KCNN3: variants seen among roughly 807,000 people sequenced by gnomAD.
KCNN3 encodes small conductance calcium-activated potassium channel protein 3.
A neutral mutation model predicts 62.9 loss-of-function variants in KCNN3; 16 were observed. That is an observed-to-expected ratio of 0.25 (90% CI 0.17 to 0.39). KCNN3 has a LOEUF of 0.39. Among genes scored for constraint, KCNN3 ranks in the 10% least tolerant of loss-of-function variants. The probability of loss-of-function intolerance (pLI) is 1.00; values close to 1 mark genes in which losing one functional copy is unlikely to be tolerated. For synonymous variants in KCNN3, 370 were observed against 389.2 expected, an observed-to-expected ratio of 0.95 and a Z score of 0.58; for missense variants, 599 against 949.4, an observed-to-expected ratio of 0.63 and a Z score of 4.85.
intron 1 of KCNN3, among the ~76,000 whole-genome samples, chr1:154,825,456 G>T (rs1392210855): frequency 6.8e-6 from 1 of 146,200 alleles, no homozygotes; most frequent in Non-Finnish European, 1.5e-5. Context: ...AGCTCTGCCT[G>T]CCGGGTTCAT....
intron 2 of KCNN3, among the ~76,000 whole-genome samples, chr1:154,808,581 T>A (rs1331938534): frequency 6.6e-6 from 1 of 152,184 alleles, no homozygotes; most frequent in African/African-American, 2.4e-5. Flanking sequence ...GACCTTGCTG[T>A]CCCCACGGTG....
At chr1:154,868,846 C>T (rs561168229) in intron 1 of KCNN3, among the ~76,000 whole-genome samples, 186 bp downstream of exon 1, 1 of 151,908 alleles carries the variant, frequency 6.6e-6, no homozygotes, top group South Asian at 2.1e-4. Context: ...ACTGAGCAAG[C>T]GCCTCTCACC....
chr1:154,851,807 C>A (rs1025785373), intron 1 of KCNN3, among the ~76,000 whole-genome samples: 30 of 152,246 alleles, frequency 2.0e-4, no homozygotes, highest in African/African-American at 7.0e-4. Flanking sequence ...CTGTTCCAAA[C>A]ACTGCAGTCA....
chr1:154,853,441 T>A (rs1413612229), intron 1 of KCNN3, among the ~76,000 whole-genome samples: 6 of 152,156 alleles, frequency 3.9e-5, no homozygotes, highest in African/African-American at 1.4e-4. Flanking sequence ...GCTCAAGCGA[T>A]CCTCCCACCT....
intron 3 of KCNN3, among the ~76,000 whole-genome samples, chr1:154,744,407 T>C (rs10908431): frequency 0.35 from 53,468 of 152,090 alleles, 10,103 homozygotes; most frequent in East Asian, 0.59. Flanking sequence ...AACCTGTATT[T>C]TTTCGGCTGC....
chr1:154,870,130 G>C lies in KCNN3; in HGVS notation c.-166C>G. ...GTTCTCTGGGGCTGCCTGGAGTCCA[G>C]ACGCTGCCACTCAAGAATGCATTGT... is the stretch of plus-strand genomic sequence containing the variant. On this transcript the variant is annotated 5_prime_UTR_variant, in exon 1 of 8. Transcript: ENST00000271915. The C allele has an allele frequency of 1.3e-6, 1 of 797,828 alleles. No individual in the cohort carries two copies. Among genetic ancestry groups the C allele is most frequent in the Non-Finnish European group, 2.2e-6 (1 of 460,524 alleles). The allele number at this position is 797,828 out of a possible 1,614,324, so 49.4% of individuals were successfully genotyped here.
intron 7 of KCNN3, among the ~76,000 whole-genome samples, chr1:154,708,529 G>T (rs1244725150): frequency 6.6e-6 from 1 of 151,940 alleles, no homozygotes; most frequent in Non-Finnish European, 1.5e-5. Flanking sequence ...GGAAAAAAAT[G>T]GCCCTTTTTT....
At chr1:154,778,006 C>G (rs1034105817) in intron 2 of KCNN3, among the ~76,000 whole-genome samples, 2 of 152,248 alleles carry the variant, frequency 1.3e-5, no homozygotes, top group South Asian at 2.1e-4. Context: ...AGTGATTTCA[C>G]TCATTGAGGG....
At chr1:154,801,557 G>A (rs1055678543) in intron 2 of KCNN3, among the ~76,000 whole-genome samples, 18 of 152,188 alleles carry the variant, frequency 1.2e-4, no homozygotes, top group African/African-American at 4.3e-4. Flanking sequence ...CTTTAACTAG[G>A]AATCTATTTC....
intron 7 of KCNN3, among the ~76,000 whole-genome samples, chr1:154,709,360 T>TC (rs1206494938): frequency 6.6e-6 from 1 of 152,074 alleles, no homozygotes; most frequent in Non-Finnish European, 1.5e-5. Flanking sequence ...TGCTTGGTCA[T>TC]CCCTGAGGTA....
intron 1 of KCNN3, among the ~76,000 whole-genome samples, chr1:154,844,063 G>A (rs947942102): frequency 6.6e-6 from 1 of 152,214 alleles, no homozygotes; most frequent in Admixed American, 6.5e-5. Context: ...ACCAGCAGGG[G>A]CTTGCAGAAG....
Position 154,709,135 on chromosome 1 carries a change from G to A in KCNN3, c.1900-863C>T, listed in dbSNP as rs1034736095. 3.3e-5 allele frequency among the ~76,000 whole-genome samples: 5 copies of A among 152,166 alleles called. No individual in the cohort carries two copies. The East Asian group carries it at 7.7e-4, about 23-fold the overall frequency. ...TCCCCGTGTTCCAGGGGTGCCGGCC[G>A]ATTACCAGTGCTCCTTCCCCAACAT... On this transcript the variant is annotated intron_variant, in intron 7 of 7. Transcript: ENST00000271915.
chr1:154,812,619 T>C (rs1272662120), intron 2 of KCNN3, among the ~76,000 whole-genome samples: 1 of 152,188 alleles, frequency 6.6e-6, no homozygotes, highest in African/African-American at 2.4e-5. Flanking sequence ...TGCGCGTTCA[T>C]GGAAGGAGTT....
chr1:154,797,886 G>A (rs951915037), intron 2 of KCNN3, among the ~76,000 whole-genome samples: 2 of 152,176 alleles, frequency 1.3e-5, no homozygotes, highest in South Asian at 4.2e-4. Context: ...CTCTCTCTAG[G>A]CCTCAGTTTC....
chr1:154,771,215 G>C (rs1408437426), intron 3 of KCNN3, among the ~76,000 whole-genome samples: 1 of 152,166 alleles, frequency 6.6e-6, no homozygotes, highest in Non-Finnish European at 1.5e-5. Flanking sequence ...GTTGATGGCT[G>C]TTCCAAGGAG....
At chr1:154,733,288 G>T in intron 3 of KCNN3, 144 bp from the exon 4 acceptor site, 1 of 870,454 alleles carries the variant, frequency 1.1e-6, no homozygotes. Context: ...ATCTCTTTAG[G>T]CTACTGAAGG....
rs1482243090 is a variant in KCNN3, at chr1:154,869,668, G to A, written c.297C>T (p.Gly99=). The A allele has an allele frequency of 6.2e-7, 1 of 1,606,296 alleles. No homozygotes were observed. The highest frequency in any genetic ancestry group is 8.5e-7 in the Non-Finnish European group (1 of 1,176,174). The part of the protein sequence containing the change: ...AQLQSQPVHP[G]LLHSSPTAFR... ...AAGCGGTGGGAGAGGAGTGCAGCAGGCCAGGGTGGACGGGCTGGCTCTGGA... is the reference window on the plus strand; with the variant it reads ...AAGCGGTGGGAGAGGAGTGCAGCAGACCAGGGTGGACGGGCTGGCTCTGGA... The change falls in exon 1 of 8, where the codon GGC becomes GGT. Residue 99 remains glycine, a synonymous_variant. Coordinates refer to ENST00000271915, the MANE Select transcript of KCNN3 (RefSeq NM_002249.6). This position sits in a 1 kb window ranked among gnomAD's most constrained non-coding sequence, Gnocchi z 6.1.
At chr1:154,724,479 C>T (rs149097232) in intron 5 of KCNN3, among the ~76,000 whole-genome samples, 27 of 152,314 alleles carry the variant, frequency 1.8e-4, no homozygotes, top group African/African-American at 4.3e-4. Flanking sequence ...AATTCTGTCT[C>T]GTCTCAGAAA....
At chr1:154,801,427 C>T (rs1244378248) in intron 2 of KCNN3, among the ~76,000 whole-genome samples, 7 of 152,070 alleles carry the variant, frequency 4.6e-5, no homozygotes, top group Admixed American at 4.6e-4. Flanking sequence ...AAGCCAGAGC[C>T]CAGAGAGCCT....
Sources: allele counts gnomAD v4.1 joint callset (sites outside exome capture counted in the v4.1 genomes callset), GRCh38; gene constraint gnomAD v4.1.1; non-coding constraint Gnocchi (gnomAD v3.1); transcripts MANE v1.5; gene names NCBI Gene and HGNC (gene_info 2026-07-23, HGNC 2026-07-21).